The following TRHR variants were observed in gnomAD, a reference collection of about 807,000 sequenced individuals.
The protein encoded by TRHR is thyrotropin releasing hormone receptor, also known as thyrotropin-releasing hormone receptor.
A neutral mutation model predicts 28.0 loss-of-function variants in TRHR; 14 were observed. The ratio of observed to expected loss-of-function variants is 0.50; its 90% CI spans 0.33 to 0.78. The LOEUF (loss-of-function observed/expected upper bound fraction) is 0.78. Ranked by LOEUF, TRHR falls within the 30% of genes least tolerant of loss-of-function variation. TRHR has a pLI of 0.02. For missense variants in TRHR, 438 were observed against 469.5 expected (o/e 0.93, Z 0.62); for synonymous variants, 176 against 171.9 (o/e 1.02, Z -0.18).
intron 2 of TRHR, among the ~76,000 whole-genome samples, chr8:109,100,296 A>C (rs994600878): frequency 6.6e-6 from 1 of 152,198 alleles, no homozygotes; most frequent in Admixed American, 6.5e-5. Flanking sequence ...TAGAGATTAT[A>C]AGGGGCTAGG....
At chr8:109,105,968 T>C (rs1811744846) in intron 2 of TRHR, among the ~76,000 whole-genome samples, 2 of 152,156 alleles carry the variant, frequency 1.3e-5, no homozygotes, top group Non-Finnish European at 2.9e-5. Flanking sequence ...AATTATATAC[T>C]TGGTACATGT....
chr8:109,101,040 TTCTA>T (rs1284787084), intron 2 of TRHR, among the ~76,000 whole-genome samples: 2 of 152,146 alleles, frequency 1.3e-5, no homozygotes, highest in African/African-American at 4.8e-5. Flanking sequence ...TTGGACAAGC[TTCTA>T]ATGGCTATGG....
chr8:109,093,838 C>T (rs544301287), intron 2 of TRHR, among the ~76,000 whole-genome samples: 1 of 149,282 alleles, frequency 6.7e-6, no homozygotes, highest in South Asian at 2.1e-4. Context: ...AGAACTTTTG[C>T]TTTCCCTCCA....
intron 2 of TRHR, among the ~76,000 whole-genome samples, chr8:109,104,717 G>A (rs547276921): frequency 1.3e-5 from 2 of 152,168 alleles, no homozygotes; most frequent in South Asian, 2.1e-4. Context: ...TCTTCAGAGA[G>A]CATAGTTTTG....
chr8:109,092,774 T>C (rs1811535272), intron 2 of TRHR, among the ~76,000 whole-genome samples: 1 of 152,092 alleles, frequency 6.6e-6, no homozygotes. Flanking sequence ...CGCCTTTTGC[T>C]GTTATTGGTG....
intron 2 of TRHR, among the ~76,000 whole-genome samples, chr8:109,108,269 T>C (rs1022214464): frequency 2.6e-5 from 4 of 152,176 alleles, no homozygotes; most frequent in Admixed American, 2.0e-4. Context: ...CCTCTCTCCT[T>C]CTCCATCATT....
chr8:109,095,786 C>T (rs944389466), intron 2 of TRHR, among the ~76,000 whole-genome samples: 1 of 152,100 alleles, frequency 6.6e-6, no homozygotes, highest in Admixed American at 6.6e-5. Context: ...ATTCCCAAAC[C>T]AGAAACCTGG....
At chr8:109,096,053 T>C (rs1427196355) in intron 2 of TRHR, among the ~76,000 whole-genome samples, 1 of 152,164 alleles carries the variant, frequency 6.6e-6, no homozygotes, top group African/African-American at 2.4e-5. Context: ...AGAGATACTA[T>C]TTGCATAATT....
At chr8:109,105,171 G>C (rs574052314) in intron 2 of TRHR, among the ~76,000 whole-genome samples, 1 of 152,212 alleles carries the variant, frequency 6.6e-6, no homozygotes, top group South Asian at 2.1e-4. Context: ...TTTATCCTGT[G>C]ATTTTTAAAG....
chr8:109,107,476 C>T (rs1181698382), intron 2 of TRHR, among the ~76,000 whole-genome samples: 1 of 152,200 alleles, frequency 6.6e-6, no homozygotes, highest in Non-Finnish European at 1.5e-5. Flanking sequence ...AGGTCTGCCT[C>T]CATAGCCTGT....
At chr8:109,113,935 G>T (rs1563627327) in intron 2 of TRHR, among the ~76,000 whole-genome samples, 3 of 151,964 alleles carry the variant, frequency 2.0e-5, no homozygotes, top group African/African-American at 4.8e-5. Flanking sequence ...TGCATATATA[G>T]CCCTCTTGAG....
rs372283317 is a variant in TRHR at position 109,087,802 on chromosome 8, G to A, written c.290G>A (p.Gly97Glu). The A allele has an allele frequency of 3.3e-5, 53 of 1,614,016 alleles. 1 individual carries two copies. Among genetic ancestry groups the A allele is most frequent in the Non-Finnish European group, 4.5e-5 (53 of 1,180,038 alleles). ...IYGSWVYGYVGCLCITYLQYL... is the reference protein window; with the variant it reads ...IYGSWVYGYVECLCITYLQYL... ...GGTTCCTGGGTCTATGGCTATGTTGGATGCCTCTGCATTACTTACCTCCAG... is the reference window on the plus strand; with the variant it reads ...GGTTCCTGGGTCTATGGCTATGTTGAATGCCTCTGCATTACTTACCTCCAG... The change falls in exon 2 of 3, where the codon GGA becomes GAA. Residue 97 changes from glycine (G) to glutamate (E), a missense_variant. Physicochemically the swap from Gly to Glu is moderately conservative, Grantham distance 98. Coordinates refer to ENST00000518632, the MANE Select transcript of TRHR (RefSeq NM_003301.7).
intron 1 of TRHR, 129 bp from the exon 2 acceptor site, chr8:109,087,296 A>T: frequency 1.6e-6 from 1 of 609,466 alleles, no homozygotes; most frequent in Non-Finnish European, 2.9e-6. Flanking sequence ...AAGTTTTAAG[A>T]AGTACACATG....
intron 2 of TRHR, among the ~76,000 whole-genome samples, chr8:109,088,568 GA>G (rs1288974226): frequency 6.6e-6 from 1 of 152,144 alleles, no homozygotes; most frequent in East Asian, 1.9e-4. Flanking sequence ...AGAAACTCTA[GA>G]AATTCACCTT....
intron 2 of TRHR, among the ~76,000 whole-genome samples, chr8:109,100,565 C>G (rs1586189088): frequency 6.6e-6 from 1 of 152,142 alleles, no homozygotes; most frequent in African/African-American, 2.4e-5. Flanking sequence ...ATCTCCTCAC[C>G]TATGATTTAA....
rs1798116848 is a variant in TRHR at position 109,120,375 on chromosome 8, A to T, written c.*920A>T. 6.6e-6 allele frequency among the ~76,000 whole-genome samples: 1 copy of T among 151,958 alleles called. No individual in the cohort carries two copies. The highest frequency in any genetic ancestry group is 3.4e-3 in the Middle Eastern group (1 of 294). ...TATAAACTACTCAGCCATGTCAAGCAAATCATTCAAGCAAAATCTAGCTGA... is the reference window on the plus strand; with the variant it reads ...TATAAACTACTCAGCCATGTCAAGCTAATCATTCAAGCAAAATCTAGCTGA... On this transcript the variant is annotated 3_prime_UTR_variant, in exon 3 of 3. Coordinates refer to ENST00000518632, the MANE Select transcript of TRHR (RefSeq NM_003301.7).
chr8:109,103,370 G>A lies in TRHR; in HGVS notation c.789+15069G>A, dbSNP rs79584797. 5.4e-3 allele frequency among the ~76,000 whole-genome samples: 823 copies of A among 152,156 alleles called. 11 individuals carry two copies. Among genetic ancestry groups the A allele is most frequent in the African/African-American group, 0.019 (782 of 41,520 alleles). On this transcript the variant is annotated intron_variant, in intron 2 of 2. Transcript: ENST00000518632. ...CAATTAGCCTTGTGACAAAAGCAAC[G>A]CACTCCATTTTGCACACAGTACTTG... is the stretch of plus-strand genomic sequence containing the variant.
At chr8:109,098,868 G>A (rs1275914017) in intron 2 of TRHR, among the ~76,000 whole-genome samples, 1 of 152,068 alleles carries the variant, frequency 6.6e-6, no homozygotes. Flanking sequence ...ATCACTTTGT[G>A]CATTCATCTG....
chr8:109,108,218 G>A (rs959483755), intron 2 of TRHR, among the ~76,000 whole-genome samples: 6 of 152,126 alleles, frequency 3.9e-5, no homozygotes, highest in African/African-American at 1.4e-4. Flanking sequence ...TAAAAATCGG[G>A]CAGCTCTGAG....
Sources: gnomAD v4.1 joint callset for allele counts (sites outside exome capture counted in the v4.1 genomes callset) on GRCh38, gnomAD v4.1.1 for gene constraint, MANE v1.5 for transcripts, NCBI Gene and HGNC (gene_info 2026-07-23, HGNC 2026-07-21) for gene names.